Variants in UBR3 observed in about 807,000 individuals in gnomAD.
The protein encoded by UBR3 is E3 ubiquitin-protein ligase UBR3.
UBR3 carries 85 observed loss-of-function variants against 243.2 expected under a neutral mutation model. The observed-to-expected ratio is 0.35, with a 90% CI of 0.29 to 0.42. The LOEUF (loss-of-function observed/expected upper bound fraction) is 0.42. Ranked by LOEUF, UBR3 falls within the 10% of genes least tolerant of loss-of-function variation. The pLI is 1.00. For missense variants in UBR3, 1,686 were observed against 2,300.8 expected, an observed-to-expected ratio of 0.73 and a Z score of 5.47; for synonymous variants, 748 against 799.8, an observed-to-expected ratio of 0.94 and a Z score of 1.09.
At chr2:169,973,448 G>A (rs578142256) in intron 24 of UBR3, among the ~76,000 whole-genome samples, 38 of 151,164 alleles carry the variant, frequency 2.5e-4, no homozygotes, top group African/African-American at 6.6e-4. Context: ...AAAAGAGCCC[G>A]CATCGCCAAG....
At chr2:169,916,532 G>T (rs559640335) in intron 11 of UBR3, among the ~76,000 whole-genome samples, 1 of 151,840 alleles carries the variant, frequency 6.6e-6, no homozygotes, top group Non-Finnish European at 1.5e-5. Flanking sequence ...GAGAAGCCCT[G>T]TTCACCCTCT....
chr2:169,964,230 T>C (rs1333100777), intron 24 of UBR3, among the ~76,000 whole-genome samples: 2 of 152,180 alleles, frequency 1.3e-5, no homozygotes, highest in Admixed American at 1.3e-4. Flanking sequence ...TTTTGTGCTC[T>C]GAAGTTACTT....
chr2:170,003,582 C>T (rs1490373736), intron 27 of UBR3, among the ~76,000 whole-genome samples: 1 of 152,006 alleles, frequency 6.6e-6, no homozygotes, highest in Non-Finnish European at 1.5e-5. Flanking sequence ...CTATGTATTA[C>T]GTAAGAGAGA....
At chr2:169,897,261 A>G (rs1320506691) in intron 8 of UBR3, among the ~76,000 whole-genome samples, 1 of 152,054 alleles carries the variant, frequency 6.6e-6, no homozygotes, top group Non-Finnish European at 1.5e-5. Context: ...ATACTTTTAT[A>G]ACTTAAAAAT....
intron 5 of UBR3, among the ~76,000 whole-genome samples, chr2:169,881,904 G>T (rs1322395760): frequency 6.1e-4 from 74 of 122,090 alleles, no homozygotes; most frequent in Admixed American, 1.2e-3. Flanking sequence ...TATACATATA[G>T]GTATATGTAT....
chr2:169,945,341 A>G (rs934821104), intron 20 of UBR3, among the ~76,000 whole-genome samples: 1 of 152,178 alleles, frequency 6.6e-6, no homozygotes, highest in South Asian at 2.1e-4. Context: ...CACACAACAG[A>G]TGAATATAGA....
chr2:169,954,228 C>CTTGTCTTGTCTTG lies in UBR3; in HGVS notation c.3545+4164_3545+4165insTGTCTTGTCTTGT, dbSNP rs1559129703. Among the ~76,000 whole-genome samples the CTTGTCTTGTCTTG allele has an allele frequency of 2.5e-3, 277 of 110,362 alleles. 6 individuals carry two copies. The highest frequency in any genetic ancestry group is 0.011 in the African/African-American group (254 of 22,488). The allele number at this position is 110,362 out of a possible 152,430, so 72.4% of individuals were successfully genotyped here. A position where few individuals can be genotyped will look rare whatever the true frequency, so the allele number is the denominator to read the frequency against. On this transcript the variant is annotated intron_variant, in intron 23 of 38. Transcript: ENST00000272793. ...GTCTTGTCTTGTCTTGTCTTGTCTT[C>CTTGTCTTGTCTTG]TCTTCTTAATTCATTTCTTTTCTTT...
At chr2:170,039,386 CT>C (rs952242293) in intron 31 of UBR3, among the ~76,000 whole-genome samples, 23 of 147,668 alleles carry the variant, frequency 1.6e-4, no homozygotes, top group Admixed American at 2.0e-4. Flanking sequence ...GACCCCTACA[CT>C]TTTTTTTTTT....
intron 30 of UBR3, among the ~76,000 whole-genome samples, chr2:170,017,576 C>G (rs2090282985): frequency 7.8e-6 from 1 of 128,366 alleles, no homozygotes; most frequent in South Asian, 2.7e-4. Flanking sequence ...CACACACACA[C>G]ACACACAGGG....
At chr2:169,829,916 G>A (rs2081878586) in intron 1 of UBR3, among the ~76,000 whole-genome samples, 1 of 151,428 alleles carries the variant, frequency 6.6e-6, no homozygotes, top group Admixed American at 6.6e-5. Context: ...GTTTCTCTTG[G>A]TGCAGAACAA....
At chr2:170,078,007 G>T in intron 36 of UBR3, 1 of 673,506 alleles carries the variant, frequency 1.5e-6, no homozygotes, top group Non-Finnish European at 2.8e-6. Flanking sequence ...AAGTACGTTA[G>T]CTTGAGGTTG....
intron 2 of UBR3, among the ~76,000 whole-genome samples, chr2:169,875,522 C>T (rs2083575258): frequency 2.6e-5 from 4 of 152,122 alleles, no homozygotes; most frequent in Admixed American, 2.6e-4. Context: ...GCTTCTTACA[C>T]AAATTAAGTG....
chr2:169,940,574 C>T (rs774534407), intron 19 of UBR3, among the ~76,000 whole-genome samples: 8 of 152,140 alleles, frequency 5.3e-5, no homozygotes, highest in Non-Finnish European at 1.0e-4. Context: ...GTATTCACTA[C>T]TTGTTGCATG....
chr2:169,892,930 TA>T (rs2084430324), intron 6 of UBR3, among the ~76,000 whole-genome samples: 1 of 152,222 alleles, frequency 6.6e-6, no homozygotes, highest in South Asian at 2.1e-4. Flanking sequence ...TCTGCTCTCT[TA>T]ATTAAAACCT....
In UBR3 at chr2:169,890,714, G is replaced by A. The variant is rs2084345197; in HGVS notation, c.1039-451G>A. On this transcript the variant is annotated intron_variant, in intron 5 of 38. Transcript: ENST00000272793. ...TGTCAACTCCAACTTCTAATATGTT[G>A]TATTTATTTTTCAAAATTTGATTTG... Among the ~76,000 whole-genome samples the A allele has an allele frequency of 1.4e-5, 2 of 147,130 alleles. 1 individual carries two copies. The highest frequency in any genetic ancestry group is 4.3e-4 in the South Asian group (2 of 4,600).
chr2:170,012,246 T>G (rs561828804), intron 29 of UBR3, among the ~76,000 whole-genome samples: 1 of 152,236 alleles, frequency 6.6e-6, no homozygotes, highest in Admixed American at 6.5e-5. Context: ...GGGTCAATAC[T>G]GGGTTTAAGG....
chr2:169,921,716 G>T lies in UBR3; in HGVS notation c.1867-2213G>T, dbSNP rs368133095. 5.9e-5 allele frequency among the ~76,000 whole-genome samples: 9 copies of T among 152,186 alleles called. 1 individual carries two copies. Among genetic ancestry groups the T allele is most frequent in the South Asian group, 4.1e-4 (2 of 4,832 alleles). The stretch of plus-strand genomic sequence containing the variant: ...CCAGGATTCTGCACTTAGGAAGCAG[G>T]CACAGTGGTTCACGCCTTTGGTCCC... On this transcript the variant is annotated intron_variant, in intron 11 of 38. Coordinates refer to ENST00000272793, the MANE Select transcript of UBR3 (RefSeq NM_172070.4).
At chr2:170,050,635 G>A (rs979958036) in intron 32 of UBR3, among the ~76,000 whole-genome samples, 2 of 152,094 alleles carry the variant, frequency 1.3e-5, no homozygotes, top group African/African-American at 2.4e-5. Context: ...TAGATTAGAT[G>A]TCCAATCCTT....
intron 1 of UBR3, among the ~76,000 whole-genome samples, chr2:169,832,399 A>G (rs1573996156): frequency 6.6e-6 from 1 of 151,838 alleles, no homozygotes; most frequent in South Asian, 2.1e-4. Context: ...AAATACAAAA[A>G]ATTAGTCAGG....
Sources: gnomAD v4.1 joint callset for allele counts (sites outside exome capture counted in the v4.1 genomes callset) on GRCh38, gnomAD v4.1.1 for gene constraint, MANE v1.5 for transcripts, NCBI Gene and HGNC (gene_info 2026-07-23, HGNC 2026-07-21) for gene names.